The following USP49 variants were observed in gnomAD, a reference collection of about 807,000 sequenced individuals.
USP49 encodes ubiquitin specific peptidase 49, also known as ubiquitin carboxyl-terminal hydrolase 49.
A neutral mutation model predicts 58.6 loss-of-function variants in USP49; 24 were observed. The ratio of observed to expected loss-of-function variants is 0.41; its 90% CI spans 0.30 to 0.58. The LOEUF (loss-of-function observed/expected upper bound fraction) is 0.58. Ranked by LOEUF, USP49 falls within the 20% of genes least tolerant of loss-of-function variation. The probability of loss-of-function intolerance (pLI) is 0.30; values close to 1 mark genes in which losing one functional copy is unlikely to be tolerated. For synonymous variants in USP49, 408 were observed against 365.1 expected (o/e 1.12, Z -1.34); for missense variants, 703 against 866.1 (o/e 0.81, Z 2.36).
intron 6 of USP49, 94 bp downstream of exon 6, chr6:41,799,736 C>G: frequency 8.9e-7 from 1 of 1,128,832 alleles, no homozygotes; most frequent in Non-Finnish European, 1.3e-6. Flanking sequence ...GGCTTCCCCT[C>G]CCAACACCAT....
chr6:41,826,538 G>A (rs1773540691), intron 3 of USP49, among the ~76,000 whole-genome samples: 1 of 152,106 alleles, frequency 6.6e-6, no homozygotes, highest in South Asian at 2.1e-4. Context: ...GGACTGTTGA[G>A]GTGATGATGT....
At position 41,791,347 on chromosome 6, in the gene USP49, G is replaced by C. The variant is rs893781047; in HGVS notation, c.*5186C>G. On this transcript the variant is annotated 3_prime_UTR_variant, in exon 8 of 8. Transcript: ENST00000682992. ...GCTGGTCTTGAGCTCCTGGCCTCAA[G>C]CAATCCTCCCACCTTGGCCTCCCAA... The C allele has an allele frequency of 6.6e-6, 1 of 152,176 alleles. No individual in the cohort carries two copies. Among genetic ancestry groups the C allele is most frequent in the African/African-American group, 2.4e-5 (1 of 41,456 alleles). 9.4% of individuals were successfully genotyped at this position (152,176 alleles called of 1,614,324 possible). A position where few individuals can be genotyped will look rare whatever the true frequency, so the allele number is the denominator to read the frequency against.
chr6:41,872,742 C>CA (rs561693628), intron 2 of USP49, among the ~76,000 whole-genome samples: 53,427 of 126,834 alleles, frequency 0.42, 10,857 homozygotes, highest in East Asian at 0.56. Flanking sequence ...ACTAAAAATA[C>CA]AAAAAAAAAA....
intron 2 of USP49, among the ~76,000 whole-genome samples, chr6:41,881,626 G>A (rs1464006423): frequency 6.6e-6 from 1 of 152,100 alleles, no homozygotes; most frequent in African/African-American, 2.4e-5. Context: ...AAAACATTAA[G>A]GGCAGGAAAT....
intron 3 of USP49, among the ~76,000 whole-genome samples, chr6:41,861,398 G>A (rs533093885): frequency 7.9e-5 from 12 of 152,136 alleles, no homozygotes; most frequent in South Asian, 2.1e-4. Context: ...AGCCAAGATC[G>A]CGCCACTGCA....
At chr6:41,809,604 A>G (rs989556173) in intron 3 of USP49, among the ~76,000 whole-genome samples, 15 of 151,416 alleles carry the variant, frequency 9.9e-5, no homozygotes, top group African/African-American at 3.2e-4. Flanking sequence ...AGGCGGGAGG[A>G]TCACAAGGTC....
intron 7 of USP49, 89 bp downstream of exon 7, chr6:41,798,635 C>T (rs1290518602): frequency 1.2e-6 from 2 of 1,606,418 alleles, no homozygotes; most frequent in African/African-American, 1.3e-5. Flanking sequence ...CTAGGTAATC[C>T]ATGGGATGGA....
chr6:41,798,214 T>C (rs1404471501), intron 7 of USP49: 3 of 163,814 alleles, frequency 1.8e-5, no homozygotes, highest in African/African-American at 7.2e-5. Context: ...TTTTAATTCT[T>C]AGAACAACCA....
intron 3 of USP49, among the ~76,000 whole-genome samples, chr6:41,853,043 G>A (rs770348157): frequency 2.3e-4 from 35 of 152,256 alleles, no homozygotes; most frequent in Non-Finnish European, 4.1e-4. Context: ...AAAATTAGCT[G>A]GGCATGGTGG....
At chr6:41,856,828 T>C (rs930816472) in intron 3 of USP49, among the ~76,000 whole-genome samples, 2 of 152,174 alleles carry the variant, frequency 1.3e-5, no homozygotes, top group African/African-American at 2.4e-5. Flanking sequence ...CATATTGTTA[T>C]AGTTGTTCTA....
intron 3 of USP49, among the ~76,000 whole-genome samples, chr6:41,861,074 G>C (rs1774213039): frequency 6.6e-6 from 1 of 151,886 alleles, no homozygotes; most frequent in Admixed American, 6.6e-5. Flanking sequence ...GTTGCAGTGA[G>C]CTGAGATTGC....
chr6:41,814,119 G>A (rs1020439117), intron 3 of USP49, among the ~76,000 whole-genome samples: 9 of 152,154 alleles, frequency 5.9e-5, no homozygotes, highest in South Asian at 2.1e-4. Context: ...ACAGGTAATT[G>A]GGAAAGAACA....
At chr6:41,860,684 T>C (rs983223355) in intron 3 of USP49, among the ~76,000 whole-genome samples, 1 of 148,210 alleles carries the variant, frequency 6.7e-6, no homozygotes, top group Admixed American at 6.7e-5. Context: ...ATTTTTTTTT[T>C]GTATTTTAGT....
chr6:41,878,199 A>G (rs1448627118), intron 2 of USP49, among the ~76,000 whole-genome samples: 1 of 152,224 alleles, frequency 6.6e-6, no homozygotes, highest in Admixed American at 6.5e-5. Flanking sequence ...ACTTTATGTC[A>G]TTATTCTAGC....
intron 3 of USP49, among the ~76,000 whole-genome samples, chr6:41,851,952 C>CAAAAAA (rs67716441): frequency 3.1e-4 from 17 of 54,870 alleles, no homozygotes; most frequent in Admixed American, 5.4e-4. Flanking sequence ...AGACTCGTCT[C>CAAAAAA]AAAAAAAAAA....
chr6:41,865,914 GC>G (rs769642735), intron 3 of USP49, among the ~76,000 whole-genome samples: 129 of 108,794 alleles, frequency 1.2e-3, no homozygotes, highest in South Asian at 4.9e-3. Context: ...AAAGCATGGT[GC>G]CTTTTTTTTT....
intron 3 of USP49, chr6:41,868,846 C>T (rs1049944937): frequency 6.6e-6 from 1 of 152,186 alleles, no homozygotes; most frequent in Non-Finnish European, 1.5e-5. Flanking sequence ...TCACTGCAAC[C>T]TCTGCCTCCC....
Position 41,806,602 on chromosome 6 carries a change from G to C in USP49, c.382C>G (p.Leu128Val). Residue 128 changes from leucine (L) to valine (V), a missense_variant, in exon 4 of 8, where the codon CTG (leucine) becomes GTG (valine). Physicochemically the swap from Leu to Val is conservative, Grantham distance 32. Coordinates refer to ENST00000682992, the MANE Select transcript of USP49 (RefSeq NM_001286554.2). This position sits in a 1 kb window ranked among gnomAD's most constrained non-coding sequence, Gnocchi z 5.9. The part of the protein sequence containing the change: ...RSMASGEDVV[L>V]PQRAPQGQPQ... ...TGTCCCTGAGGAGCGCGCTGCGGCA[G>C]GACCACGTCCTCACCCGAAGCCATG... The C allele has an allele frequency of 6.2e-7, 1 of 1,608,172 alleles. No homozygotes were observed. Among genetic ancestry groups the C allele is most frequent in the Non-Finnish European group, 8.5e-7 (1 of 1,178,400 alleles).
At chr6:41,810,891 C>A (rs1380956976) in intron 3 of USP49, among the ~76,000 whole-genome samples, 1 of 152,066 alleles carries the variant, frequency 6.6e-6, no homozygotes, top group East Asian at 1.9e-4. Flanking sequence ...ATTTCTTTCA[C>A]CTCCATTTAT....
Sources: gnomAD v4.1 joint callset for allele counts (sites outside exome capture counted in the v4.1 genomes callset) on GRCh38, gnomAD v4.1.1 for gene constraint, Gnocchi (gnomAD v3.1) non-coding constraint, MANE v1.5 for transcripts, NCBI Gene and HGNC (gene_info 2026-07-23, HGNC 2026-07-21) for gene names.